Variants in NEK1 observed in about 807,000 individuals in gnomAD.
NEK1 encodes the protein NIMA related kinase 1, also known as serine/threonine-protein kinase Nek1.
NEK1 carries 137 observed loss-of-function variants against 182.1 expected under a neutral mutation model. That is an observed-to-expected ratio of 0.75 (90% CI 0.65 to 0.87). The LOEUF (loss-of-function observed/expected upper bound fraction) is 0.87. Among genes scored for constraint, NEK1 ranks in the 40% least tolerant of loss-of-function variants. NEK1 has a pLI of 0.00. For missense variants in NEK1, 1,391 were observed against 1,494.4 expected, an observed-to-expected ratio of 0.93 and a Z score of 1.14; for synonymous variants, 513 against 492.2, an observed-to-expected ratio of 1.04 and a Z score of -0.56.
intron 12 of NEK1, among the ~76,000 whole-genome samples, chr4:169,563,803 G>C (rs1763289862): frequency 6.6e-6 from 1 of 152,154 alleles, no homozygotes; most frequent in South Asian, 2.1e-4. Flanking sequence ...TTAGTGTTAA[G>C]TTTCACCGAA....
At chr4:169,395,617 A>G (rs1181182974) in intron 35 of NEK1, among the ~76,000 whole-genome samples, 1 of 152,232 alleles carries the variant, frequency 6.6e-6, no homozygotes, top group Non-Finnish European at 1.5e-5. Context: ...TCACTGGACT[A>G]TAATTTACTT....
intron 27 of NEK1, among the ~76,000 whole-genome samples, chr4:169,452,566 A>G (rs1006421272): frequency 1.3e-5 from 2 of 152,326 alleles, no homozygotes; most frequent in Admixed American, 6.5e-5. Flanking sequence ...CAAAAACCAC[A>G]TGATTATCTC....
At chr4:169,425,214 G>T (rs1405450885) in intron 30 of NEK1, among the ~76,000 whole-genome samples, 3 of 151,506 alleles carry the variant, frequency 2.0e-5, no homozygotes, top group Non-Finnish European at 4.4e-5. Flanking sequence ...ATTGCTTGAG[G>T]CCAGGAGTTT....
At chr4:169,609,202 T>C (rs776285553) in intron 2 of NEK1, among the ~76,000 whole-genome samples, 2 of 152,106 alleles carry the variant, frequency 1.3e-5, no homozygotes, top group Non-Finnish European at 2.9e-5. Context: ...AAATTCACAG[T>C]TGATTATTGT....
intron 19 of NEK1, among the ~76,000 whole-genome samples, chr4:169,527,373 G>C (rs1430854769): frequency 6.6e-6 from 1 of 152,046 alleles, no homozygotes; most frequent in East Asian, 1.9e-4. Context: ...TGAAAGAAAA[G>C]TAATAGAAAT....
intron 27 of NEK1, among the ~76,000 whole-genome samples, chr4:169,461,951 C>A (rs1744050374): frequency 6.6e-6 from 1 of 152,022 alleles, no homozygotes; most frequent in Admixed American, 6.6e-5. Context: ...TAAGTTATTT[C>A]TCAGTTCCAA....
At chr4:169,560,093 T>C (rs1454365617) in intron 16 of NEK1, among the ~76,000 whole-genome samples, 1 of 152,238 alleles carries the variant, frequency 6.6e-6, no homozygotes, top group East Asian at 1.9e-4. Context: ...TATAACAAAC[T>C]ATCACAAATT....
chr4:169,606,920 G>A (rs140671866), intron 2 of NEK1, among the ~76,000 whole-genome samples: 1 of 152,224 alleles, frequency 6.6e-6, no homozygotes, highest in East Asian at 1.9e-4. Context: ...TTTCCCTGAA[G>A]AGAGTTTCCA....
At chr4:169,398,217 A>C (rs959887554) in intron 35 of NEK1, among the ~76,000 whole-genome samples, 34 of 152,162 alleles carry the variant, frequency 2.2e-4, no homozygotes, top group African/African-American at 8.0e-4. Flanking sequence ...ATTTTGATAA[A>C]ATTTTTTAAT....
chr4:169,594,685 T>A (rs1283425577), intron 5 of NEK1, among the ~76,000 whole-genome samples: 1 of 152,136 alleles, frequency 6.6e-6, no homozygotes, highest in Non-Finnish European at 1.5e-5. Flanking sequence ...AGAAAAAAAA[T>A]TTTCAGGATA....
intron 12 of NEK1, among the ~76,000 whole-genome samples, chr4:169,567,686 A>G (rs148407122): frequency 5.3e-5 from 8 of 152,292 alleles, no homozygotes; most frequent in African/African-American, 1.7e-4. Context: ...GAGGCACTGC[A>G]CCTAGCCAGT....
chr4:169,412,338 A>G (rs1485578406), intron 31 of NEK1, among the ~76,000 whole-genome samples: 1 of 152,174 alleles, frequency 6.6e-6, no homozygotes, highest in Non-Finnish European at 1.5e-5. Flanking sequence ...ACTGCTTATC[A>G]CCTGTCCTAC....
chr4:169,424,003 G>A (rs1735930749), intron 31 of NEK1, among the ~76,000 whole-genome samples: 1 of 151,956 alleles, frequency 6.6e-6, no homozygotes, highest in African/African-American at 2.4e-5. Flanking sequence ...TATATGCAAA[G>A]GTTATATAAA....
chr4:169,511,781 C>T (rs1190850813), intron 19 of NEK1, among the ~76,000 whole-genome samples: 1 of 152,092 alleles, frequency 6.6e-6, no homozygotes, highest in East Asian at 1.9e-4. Context: ...CATTCACTAC[C>T]TCCATCCCTA....
intron 19 of NEK1, among the ~76,000 whole-genome samples, chr4:169,523,839 T>C (rs1213342705): frequency 6.6e-6 from 1 of 152,260 alleles, no homozygotes; most frequent in Non-Finnish European, 1.5e-5. Flanking sequence ...CAGTCATTAA[T>C]TTCTGTATAA....
chr4:169,582,583 G>A (rs1766840417), intron 10 of NEK1, among the ~76,000 whole-genome samples: 1 of 152,092 alleles, frequency 6.6e-6, no homozygotes, highest in Admixed American at 6.5e-5. Flanking sequence ...AAAACAGGTG[G>A]TTTATGATCT....
rs780040740 is a variant in NEK1 at position 169,424,802 on chromosome 4, T to A, written c.2975-2A>T. The A allele has an allele frequency of 3.1e-6, 5 of 1,600,982 alleles. No homozygotes were observed. The highest frequency in any genetic ancestry group is 4.3e-6 in the Non-Finnish European group (5 of 1,169,466). On this transcript the variant is annotated splice_acceptor_variant, in intron 30 of 35. Transcript: ENST00000507142. LOFTEE classifies it high-confidence loss of function. ...GCTGAGAATCATTGGTTCCAGGCTC[T>A]GTGGTAGAAAGGAGAGATTATGTGG...
At chr4:169,411,395 C>T (rs983705878) in intron 31 of NEK1, among the ~76,000 whole-genome samples, 5 of 151,580 alleles carry the variant, frequency 3.3e-5, no homozygotes, top group Non-Finnish European at 7.4e-5. Flanking sequence ...GATGCAATCT[C>T]GGCTCACTGC....
At chr4:169,588,770 GAC>G (rs776866217) in intron 7 of NEK1, 35 bp from the exon 8 acceptor site, 3 of 1,300,180 alleles carry the variant, frequency 2.3e-6, no homozygotes, top group Non-Finnish European at 2.2e-6. Flanking sequence ...AGAAGTTAAA[GAC>G]ACAGTCATGT....
Sources: allele counts gnomAD v4.1 joint callset (sites outside exome capture counted in the v4.1 genomes callset), GRCh38; gene constraint gnomAD v4.1.1; transcripts MANE v1.5; gene names NCBI Gene and HGNC (gene_info 2026-07-23, HGNC 2026-07-21).